Variants in MDGA2 observed in about 807,000 individuals in gnomAD.
The protein encoded by MDGA2 is MAM domain-containing glycosylphosphatidylinositol anchor protein 2.
A neutral mutation model predicts 117.8 loss-of-function variants in MDGA2; 40 were observed. The ratio of observed to expected loss-of-function variants is 0.34; its 90% CI spans 0.26 to 0.44. The LOEUF is 0.44. MDGA2 is among the 20% of genes least tolerant of loss of function. The pLI, the probability that MDGA2 is intolerant of heterozygous loss-of-function variation, is 1.00. For synonymous variants in MDGA2, 452 were observed against 439.0 expected, an observed-to-expected ratio of 1.03 and a Z score of -0.37; for missense variants, 1,123 against 1,250.6, an observed-to-expected ratio of 0.90 and a Z score of 1.54.
intron 1 of MDGA2, among the ~76,000 whole-genome samples, chr14:47,449,182 T>C (rs1027248511): frequency 3.3e-5 from 5 of 152,190 alleles, no homozygotes; most frequent in African/African-American, 9.7e-5. Flanking sequence ...TGAAGGCATA[T>C]GGCATTTTTT....
chr14:47,126,487 AAATT>A lies in MDGA2; in HGVS notation c.925+5223_925+5226del, dbSNP rs1206184199. 9.9e-5 allele frequency among the ~76,000 whole-genome samples: 15 copies of A among 152,230 alleles called. No homozygotes were observed. In the South Asian group the frequency reaches 1.4e-3, roughly 15 times the overall value. Reference sequence around the variant, plus strand: ...TGCCAAACAAGAAATGGGAGTCAACAAATTAATTAACACTTTCTCTGGCTGATAT... The same window carrying A: ...TGCCAAACAAGAAATGGGAGTCAACAAATTAACACTTTCTCTGGCTGATAT... On this transcript the variant is annotated intron_variant, in intron 5 of 16. Coordinates refer to ENST00000399232, the MANE Select transcript of MDGA2 (RefSeq NM_001113498.3).
intron 5 of MDGA2, among the ~76,000 whole-genome samples, chr14:47,113,327 C>A (rs750171591): frequency 1.3e-5 from 2 of 151,786 alleles, no homozygotes; most frequent in Non-Finnish European, 2.9e-5. Flanking sequence ...ACAACAACAA[C>A]AACAAAAAAG....
chr14:47,500,350 A>C (rs892933587), intron 1 of MDGA2, among the ~76,000 whole-genome samples: 1 of 152,124 alleles, frequency 6.6e-6, no homozygotes, highest in Non-Finnish European at 1.5e-5. Flanking sequence ...TTCTCTATAC[A>C]TTGGTAATAA....
At chr14:47,580,667 A>C (rs1896213259) in intron 1 of MDGA2, among the ~76,000 whole-genome samples, 1 of 152,024 alleles carries the variant, frequency 6.6e-6, no homozygotes, top group Non-Finnish European at 1.5e-5. Context: ...GAAAGCACAA[A>C]GAAAAAAAAA....
chr14:47,345,262 G>A (rs1047971018), intron 1 of MDGA2, among the ~76,000 whole-genome samples: 6 of 151,968 alleles, frequency 3.9e-5, no homozygotes, highest in Non-Finnish European at 8.8e-5. Flanking sequence ...ATCTGGAAAT[G>A]CCCCAACCGG....
chr14:47,464,668 A>T (rs1211110621), intron 1 of MDGA2, among the ~76,000 whole-genome samples: 1 of 152,192 alleles, frequency 6.6e-6, no homozygotes, highest in Non-Finnish European at 1.5e-5. Context: ...AACACTGCTC[A>T]AAGAAATCAG....
intron 9 of MDGA2, among the ~76,000 whole-genome samples, chr14:46,922,796 T>G (rs1338006981): frequency 6.6e-6 from 1 of 152,210 alleles, no homozygotes; most frequent in East Asian, 1.9e-4. Flanking sequence ...GTCTTCTTCC[T>G]CCTCTGAGAC....
intron 2 of MDGA2, among the ~76,000 whole-genome samples, chr14:47,251,648 G>C (rs953894988): frequency 6.6e-6 from 1 of 152,014 alleles, no homozygotes; most frequent in African/African-American, 2.4e-5. Context: ...CTTGTTTGCT[G>C]TTTCACAAAA....
At chr14:47,075,021 C>T (rs1890439941) in intron 6 of MDGA2, among the ~76,000 whole-genome samples, 1 of 152,078 alleles carries the variant, frequency 6.6e-6, no homozygotes, top group African/African-American at 2.4e-5. Context: ...ACACATTCTC[C>T]ACATAATCAA....
chr14:47,036,128 AGCATGGTGGAGGGCG>A (rs2138652976), intron 7 of MDGA2, among the ~76,000 whole-genome samples: 1 of 151,758 alleles, frequency 6.6e-6, no homozygotes, highest in South Asian at 2.1e-4. Context: ...AAATTAGCCC[AGCATGGTGGAGGGCG>A]CCTGTAGTCC....
chr14:47,297,143 A>C (rs1376332235), intron 2 of MDGA2, among the ~76,000 whole-genome samples: 1 of 152,218 alleles, frequency 6.6e-6, no homozygotes, highest in Non-Finnish European at 1.5e-5. Flanking sequence ...TTCTAGTCAT[A>C]GAATAATACT....
chr14:47,483,617 G>C (rs1278104559), intron 1 of MDGA2, among the ~76,000 whole-genome samples: 1 of 152,160 alleles, frequency 6.6e-6, no homozygotes, highest in Non-Finnish European at 1.5e-5. Context: ...GAGAAGTACA[G>C]ATGGTGACAG....
chr14:47,609,141 G>A (rs1171831545), intron 1 of MDGA2, among the ~76,000 whole-genome samples: 1 of 151,212 alleles, frequency 6.6e-6, no homozygotes, highest in Non-Finnish European at 1.5e-5. Flanking sequence ...TGATTGGTGA[G>A]GTTTTGGAGC....
chr14:46,880,912 C>A lies in MDGA2; in HGVS notation c.2416+1132G>T, dbSNP rs369760722. Among the ~76,000 whole-genome samples the A allele has an allele frequency of 5.8e-4, 86 of 148,226 alleles. 1 individual carries two copies. The South Asian group carries it at 0.018, about 31-fold the overall frequency. ...GTTTTAGATCCACTTTTAACTTTTT[C>A]AAAGTTCTGCACTAATTTCTATTTT... On this transcript the variant is annotated intron_variant, in intron 11 of 16. Coordinates refer to ENST00000399232, the MANE Select transcript of MDGA2 (RefSeq NM_001113498.3).
intron 1 of MDGA2, among the ~76,000 whole-genome samples, chr14:47,655,594 T>G (rs964625863): frequency 6.6e-6 from 1 of 152,112 alleles, no homozygotes; most frequent in East Asian, 1.9e-4. Flanking sequence ...GCCTGAGTCA[T>G]GGAAAGACAA....
intron 7 of MDGA2, among the ~76,000 whole-genome samples, chr14:47,045,137 G>A (rs1017074152): frequency 2.0e-5 from 3 of 152,112 alleles, no homozygotes; most frequent in African/African-American, 7.2e-5. Context: ...TCTCTGCATG[G>A]CATTCATATT....
At chr14:47,133,118 AAAAC>A (rs1555356484) in intron 4 of MDGA2, among the ~76,000 whole-genome samples, 2 of 150,742 alleles carry the variant, frequency 1.3e-5, no homozygotes, top group Non-Finnish European at 3.0e-5. Flanking sequence ...AAAAAAAAAA[AAAAC>A]AAACAAACAA....
At position 47,035,312 on chromosome 14, in the gene MDGA2, T is replaced by C. The variant is rs753934421; in HGVS notation, c.1526-8A>G. ...CAGTCAGATTGGGTGGAACTTGAAA[T>C]GGGAAAAAGAAAATTTTTCAAGGTT... On this transcript the variant is annotated splice_polypyrimidine_tract_variant and splice_region_variant and intron_variant, in intron 7 of 16. Transcript: ENST00000399232. 6.3e-7 allele frequency: 1 copy of C among 1,599,880 alleles called. No individual in the cohort carries two copies. The highest frequency in any genetic ancestry group is 1.7e-5 in the Admixed American group (1 of 57,614).
chr14:47,139,491 T>C (rs1882609517), intron 4 of MDGA2, among the ~76,000 whole-genome samples: 1 of 151,952 alleles, frequency 6.6e-6, no homozygotes, highest in Non-Finnish European at 1.5e-5. Flanking sequence ...CCTAGTGACC[T>C]CTGTGTCTCT....
Sources: gnomAD v4.1 joint callset for allele counts (sites outside exome capture counted in the v4.1 genomes callset) on GRCh38, gnomAD v4.1.1 for gene constraint, MANE v1.5 for transcripts, NCBI Gene and HGNC (gene_info 2026-07-23, HGNC 2026-07-21) for gene names.